The following BMP8A variants were observed in gnomAD, a reference collection of about 807,000 sequenced individuals.
The protein encoded by BMP8A is BMP-8A.
BMP8A carries 14 observed loss-of-function variants against 36.8 expected under a neutral mutation model. The observed-to-expected ratio is 0.38, with a 90% CI of 0.25 to 0.60. The LOEUF is 0.60. BMP8A is among the 20% of genes least tolerant of loss of function. BMP8A has a pLI of 0.63. For synonymous variants in BMP8A, 120 were observed against 237.7 expected, an observed-to-expected ratio of 0.50 and a Z score of 4.55; for missense variants, 267 against 551.1, an observed-to-expected ratio of 0.48 and a Z score of 5.16.
intron 5 of BMP8A, 75 bp downstream of exon 5, chr1:39,522,557 A>G (rs1645437028): frequency 5.4e-6 from 8 of 1,485,320 alleles, no homozygotes; most frequent in African/African-American, 1.4e-5. Flanking sequence ...CAGGGAGGAC[A>G]TAGAATCATG....
intron 1 of BMP8A, among the ~76,000 whole-genome samples, chr1:39,500,377 G>A (rs921343914): frequency 6.6e-6 from 1 of 152,226 alleles, no homozygotes. Flanking sequence ...TGCAAATGGG[G>A]AGGGGAAGGG....
At chr1:39,523,414 G>C in intron 6 of BMP8A, 1 of 1,059,950 alleles carries the variant, frequency 9.4e-7, no homozygotes, top group Non-Finnish European at 1.3e-6. Flanking sequence ...CCTGCGTGCG[G>C]CGCTCAGAGG....
intron 1 of BMP8A, among the ~76,000 whole-genome samples, chr1:39,509,604 C>T (rs866271644): frequency 4.6e-5 from 7 of 152,172 alleles, no homozygotes; most frequent in African/African-American, 1.2e-4. Flanking sequence ...TGCCCACACA[C>T]GTCTGGCCCC....
chr1:39,502,025 G>A (rs1202483962), intron 1 of BMP8A, among the ~76,000 whole-genome samples: 1 of 151,786 alleles, frequency 6.6e-6, no homozygotes, highest in Non-Finnish European at 1.5e-5. Flanking sequence ...GGATCATGAG[G>A]TCGGGAGTTC....
chr1:39,497,335 G>A (rs1645213962), intron 1 of BMP8A, among the ~76,000 whole-genome samples: 1 of 152,194 alleles, frequency 6.6e-6, no homozygotes, highest in Non-Finnish European at 1.5e-5. Context: ...TTGAGGCAAG[G>A]TAAGTGAGCC....
rs113902821 is a variant in BMP8A, at chr1:39,526,339, ATTT to A, written c.*555_*557del. On this transcript the variant is annotated 3_prime_UTR_variant, in exon 7 of 7. Coordinates refer to ENST00000331593, the MANE Select transcript of BMP8A (RefSeq NM_181809.4). The stretch of plus-strand genomic sequence containing the variant: ...GGACATCCCCACGAAGCCACTGGGG[ATTT>A]TTTTTTTTTTTTTCCAGATAGAGTC... 7.1e-6 allele frequency among the ~76,000 whole-genome samples: 1 copy of A among 140,922 alleles called. No homozygotes were observed. The highest frequency in any genetic ancestry group is 2.1e-4 in the East Asian group (1 of 4,870). The allele number at this position is 140,922 out of a possible 152,430, so 92.5% of individuals were successfully genotyped here.
rs139522712 is a variant in BMP8A at position 39,522,423 on chromosome 1, G to C, written c.889G>C (p.Gly297Arg). 2.5e-6 allele frequency: 4 copies of C among 1,608,740 alleles called. No individual in the cohort carries two copies. The Admixed American group carries it at 6.8e-5, about 27-fold the overall frequency. ...TGCAGATGACGTCCGCGGCTCCCAC[G>C]GCCGGCAGGTCTGCCGTCGGCACGA... Reference protein sequence around the residue: ...GIFDDVRGSHGRQVCRRHELY... With the variant: ...GIFDDVRGSHRRQVCRRHELY... The change falls in exon 5 of 7, where the codon GGC becomes CGC. Residue 297 changes from glycine to arginine, a missense_variant. Coordinates refer to ENST00000331593, the MANE Select transcript of BMP8A (RefSeq NM_181809.4).
At chr1:39,503,508 CTTTTTTT>C (rs35892449) in intron 1 of BMP8A, among the ~76,000 whole-genome samples, 17 of 69,960 alleles carry the variant, frequency 2.4e-4, no homozygotes, top group Non-Finnish European at 4.1e-4. Flanking sequence ...TACAGTCTTT[CTTTTTTT>C]TTTTTTTTTT....
rs548644445 is a variant in BMP8A at position 39,528,968 on chromosome 1, C to T, written c.*3170C>T. On this transcript the variant is annotated 3_prime_UTR_variant, in exon 7 of 7. Coordinates refer to ENST00000331593, the MANE Select transcript of BMP8A (RefSeq NM_181809.4). ...GAACTCCTGAGCTCAAGCAATCCTC[C>T]TGCCTCAGCCTCCCAAAGTGCTAGG... 2 of 152,504 alleles carry T rather than the reference C, an allele frequency of 1.3e-5. No homozygotes were observed. Among genetic ancestry groups the T allele is most frequent in the East Asian group, 3.9e-4 (2 of 5,186 alleles). 9.4% of individuals were successfully genotyped at this position (152,504 alleles called of 1,614,324 possible). A position where few individuals can be genotyped will look rare whatever the true frequency, so the allele number is the denominator to read the frequency against.
chr1:39,507,781 G>A (rs1008699276), intron 1 of BMP8A, among the ~76,000 whole-genome samples: 8 of 152,136 alleles, frequency 5.3e-5, no homozygotes, highest in South Asian at 2.1e-4. Context: ...ACTGACTACC[G>A]TCAACAAACC....
intron 1 of BMP8A, among the ~76,000 whole-genome samples, chr1:39,496,982 C>G (rs1217275437): frequency 6.6e-6 from 1 of 152,206 alleles, no homozygotes; most frequent in Non-Finnish European, 1.5e-5. Flanking sequence ...CAACTACTTT[C>G]TGATTTTCAT....
intron 1 of BMP8A, among the ~76,000 whole-genome samples, chr1:39,508,788 C>G (rs1189114630): frequency 6.6e-6 from 1 of 152,200 alleles, no homozygotes. Flanking sequence ...AGTGCCACAC[C>G]CCAGGAAGTT....
At position 39,525,996 on chromosome 1, in the gene BMP8A, C is replaced by A. The variant is rs967719149; in HGVS notation, c.*198C>A. The stretch of plus-strand genomic sequence containing the variant: ...CCTGGGGTTTGTGGCTGTCACTCTG[C>A]CCGACACTTTGGTGGCCTAAGGCAC... On this transcript the variant is annotated 3_prime_UTR_variant, in exon 7 of 7. Coordinates refer to ENST00000331593, the MANE Select transcript of BMP8A (RefSeq NM_181809.4). 7 of 942,890 alleles carry A rather than the reference C, an allele frequency of 7.4e-6. No homozygotes were observed. In the African/African-American group the frequency reaches 8.3e-5, roughly 11 times the overall value. 58.4% of individuals were successfully genotyped at this position (942,890 alleles called of 1,614,324 possible). A position where few individuals can be genotyped will look rare whatever the true frequency, so the allele number is the denominator to read the frequency against.
In BMP8A at chr1:39,511,065, C is replaced by T. The variant is rs1271986417; in HGVS notation, c.335-109C>T. ...GGCCCCACCCAGGCCTCCCTGGGTC[C>T]GCTCCACCTTGAGTGGTGGGTGTCT... On this transcript the variant is annotated intron_variant, in intron 1 of 6. Transcript: ENST00000331593. The T allele has an allele frequency of 4.0e-5, 60 of 1,511,074 alleles. No individual in the cohort carries two copies. The East Asian group carries it at 5.7e-4, about 14-fold the overall frequency. 93.6% of individuals were successfully genotyped at this position (1,511,074 alleles called of 1,614,324 possible). A position where few individuals can be genotyped will look rare whatever the true frequency, so the allele number is the denominator to read the frequency against.
chr1:39,517,511 G>T (rs1159939954), intron 3 of BMP8A, among the ~76,000 whole-genome samples: 10 of 151,868 alleles, frequency 6.6e-5, no homozygotes, highest in Non-Finnish European at 1.3e-4. Context: ...TAACAGTAGA[G>T]ATAGGGTTTC....
intron 1 of BMP8A, among the ~76,000 whole-genome samples, chr1:39,508,940 TGGAACTCA>T (rs1203414264): frequency 1.3e-5 from 2 of 152,202 alleles, no homozygotes; most frequent in African/African-American, 4.8e-5. Flanking sequence ...CGCGGAAGTT[TGGAACTCA>T]GGTCGGTTCA....
intron 1 of BMP8A, among the ~76,000 whole-genome samples, chr1:39,497,686 C>G (rs536272725): frequency 6.6e-6 from 1 of 152,212 alleles, no homozygotes; most frequent in African/African-American, 2.4e-5. Flanking sequence ...CCTCTTTCTC[C>G]TACTCCCCAG....
intron 1 of BMP8A, among the ~76,000 whole-genome samples, chr1:39,496,648 T>G (rs1432129770): frequency 6.6e-6 from 1 of 152,142 alleles, no homozygotes; most frequent in African/African-American, 2.4e-5. Context: ...CATCTGTGTT[T>G]GAAAGAGAGG....
chr1:39,493,992 T>A (rs1275329839), intron 1 of BMP8A, among the ~76,000 whole-genome samples: 1 of 152,270 alleles, frequency 6.6e-6, no homozygotes, highest in Non-Finnish European at 1.5e-5. Context: ...CCCCTCTGTG[T>A]GACCTTAGGG....
Sources: allele counts gnomAD v4.1 joint callset (sites outside exome capture counted in the v4.1 genomes callset), GRCh38; gene constraint gnomAD v4.1.1; transcripts MANE v1.5; gene names NCBI Gene and HGNC (gene_info 2026-07-23, HGNC 2026-07-21).